VDR: variants seen among roughly 807,000 people sequenced by gnomAD.
The protein encoded by VDR is vitamin D receptor, also known as vitamin D3 receptor.
Under a neutral mutation model 39.7 loss-of-function variants are expected in VDR, and 19 were observed. The ratio of observed to expected loss-of-function variants is 0.48; its 90% CI spans 0.33 to 0.70. The LOEUF is 0.70. VDR is among the 30% of genes least tolerant of loss of function. The pLI is 0.02. For missense variants in VDR, 442 were observed against 570.5 expected (o/e 0.77, Z 2.29); for synonymous variants, 242 against 215.8 (o/e 1.12, Z -1.07).
intron 8 of VDR, 35 bp from the exon 9 acceptor site, chr12:47,846,486 G>T: frequency 6.4e-7 from 1 of 1,555,516 alleles, no homozygotes. Flanking sequence ...TGCGGGCAGA[G>T]CTGAGGAGCC....
intron 2 of VDR, among the ~76,000 whole-genome samples, chr12:47,882,486 T>A (rs1017109995): frequency 6.6e-5 from 10 of 151,844 alleles, no homozygotes; most frequent in African/African-American, 9.7e-5. Flanking sequence ...GCAAGCCCCA[T>A]CTCCTGAGCC....
chr12:47,869,951 C>T (rs1945817548), intron 3 of VDR, among the ~76,000 whole-genome samples: 1 of 152,122 alleles, frequency 6.6e-6, no homozygotes, highest in African/African-American at 2.4e-5. Context: ...GTTTGGCGCC[C>T]TTGCTTCTGC....
rs1945199464 is a variant in VDR at position 47,842,874 on chromosome 12, G to A, written c.*1872C>T. The A allele has an allele frequency of 6.6e-6, 1 of 152,140 alleles. No individual in the cohort carries two copies. Among genetic ancestry groups the A allele is most frequent in the African/African-American group, 2.4e-5 (1 of 41,422 alleles). 9.4% of individuals were successfully genotyped at this position (152,140 alleles called of 1,614,324 possible). On this transcript the variant is annotated 3_prime_UTR_variant, in exon 10 of 10. Transcript: ENST00000549336. ...GATTGACTCGTTTAGCAACTTACAAGTGTTTTCTCCCACTGAAGAGCAAGC... is the reference window on the plus strand; with the variant it reads ...GATTGACTCGTTTAGCAACTTACAAATGTTTTCTCCCACTGAAGAGCAAGC...
intron 7 of VDR, among the ~76,000 whole-genome samples, chr12:47,848,848 G>T (rs12721389): frequency 1.3e-5 from 2 of 152,192 alleles, no homozygotes; most frequent in Non-Finnish European, 2.9e-5. Flanking sequence ...ATTACGGCGT[G>T]AGCCACTGCA....
intron 7 of VDR, among the ~76,000 whole-genome samples, chr12:47,847,467 T>C (rs1945301924): frequency 1.3e-5 from 2 of 152,126 alleles, no homozygotes; most frequent in African/African-American, 4.8e-5. Context: ...CTCCCTAACT[T>C]GGCTCCAACC....
chr12:47,894,764 T>G (rs1946435851), intron 1 of VDR, among the ~76,000 whole-genome samples: 1 of 152,152 alleles, frequency 6.6e-6, no homozygotes. Flanking sequence ...GGCCACTAAC[T>G]GGGGTCACTA....
In VDR at chr12:47,857,203, G is replaced by T. The variant is rs1272082227; in HGVS notation, c.509C>A (p.Pro170His). 3.1e-6 allele frequency: 5 copies of T among 1,614,182 alleles called. No individual in the cohort carries two copies. The highest frequency in any genetic ancestry group is 4.2e-6 in the Non-Finnish European group (5 of 1,180,030). The change falls in exon 6 of 10, where the codon CCC (proline) becomes CAC (histidine). Residue 170 changes from proline to histidine, a missense_variant. Physicochemically the swap from Pro to His is moderately conservative, Grantham distance 77. This residue lies in a region of VDR where 77 missense variants were observed against 67.4 expected (regional missense o/e 1.14). Coordinates refer to ENST00000549336, the MANE Select transcript of VDR (RefSeq NM_000376.3). ...GAAGCTGGGAGTGTGTCTGGAGTTG[G>T]GCCTGGAAGGATGGCTCCCTCCACC... ...NDGGGSHPSR[P>H]NSRHTPSFSG...
intron 2 of VDR, 72 bp downstream of exon 2, chr12:47,882,622 T>TGGCCCCGGG: frequency 6.6e-6 from 4 of 603,848 alleles, no homozygotes; most frequent in East Asian, 3.2e-5. Context: ...CACCTTCTTA[T>TGGCCCCGGG]GCCCCTCCCC....
chr12:47,859,826 C>G (rs536333885), intron 4 of VDR, among the ~76,000 whole-genome samples: 1 of 151,772 alleles, frequency 6.6e-6, no homozygotes, highest in East Asian at 1.9e-4. Flanking sequence ...TCTTTCTTTT[C>G]TCTCCCTTCC....
intron 1 of VDR, among the ~76,000 whole-genome samples, chr12:47,901,951 G>A (rs1946570713): frequency 6.6e-6 from 1 of 152,214 alleles, no homozygotes; most frequent in Non-Finnish European, 1.5e-5. Context: ...CCGCCCCAGG[G>A]AAAAGACGAG....
Position 47,844,935 on chromosome 12 carries a change from C to A in VDR, c.1095G>T (p.Thr365=). ...IQDRLSNTLQ[T]YIRCRHPPPG... is the part of the protein sequence containing the mutation. ...GGGGCGGGTGGCGGCAGCGGATGTACGTCTGCAGTGTGTTGGACAGGCGGT... is the reference window on the plus strand; with the variant it reads ...GGGGCGGGTGGCGGCAGCGGATGTAAGTCTGCAGTGTGTTGGACAGGCGGT... Residue 365 remains threonine (T), a synonymous_variant, in exon 10 of 10, where the codon ACG becomes ACT. Coordinates refer to ENST00000549336, the MANE Select transcript of VDR (RefSeq NM_000376.3). 6.2e-7 allele frequency: 1 copy of A among 1,614,068 alleles called. No individual in the cohort carries two copies. Among genetic ancestry groups the A allele is most frequent in the African/African-American group, 1.3e-5 (1 of 75,014 alleles).
intron 1 of VDR, among the ~76,000 whole-genome samples, chr12:47,895,570 AGG>A (rs769619788): frequency 5.5e-4 from 83 of 152,208 alleles, no homozygotes; most frequent in Non-Finnish European, 9.4e-4. Flanking sequence ...CTACAGGAAC[AGG>A]GTTTTTCCTA....
chr12:47,883,267 T>C (rs1465752365), intron 1 of VDR, among the ~76,000 whole-genome samples: 1 of 152,082 alleles, frequency 6.6e-6, no homozygotes, highest in East Asian at 1.9e-4. Context: ...GCACAGGAGC[T>C]GGGAATGGGG....
intron 5 of VDR, 59 bp downstream of exon 5, chr12:47,857,445 C>T (rs1945513980): frequency 6.2e-7 from 1 of 1,612,786 alleles, no homozygotes; most frequent in Non-Finnish European, 8.5e-7. Flanking sequence ...CTCCCTGGGC[C>T]CTGGCTCCAC....
At chr12:47,901,072 C>G (rs879086441) in intron 1 of VDR, 1 of 155,050 alleles carries the variant, frequency 6.4e-6, no homozygotes, top group Non-Finnish European at 1.5e-5. Flanking sequence ...TCCCAGCCAG[C>G]CTTGGGGTGG....
chr12:47,892,248 CA>C (rs1305465100), intron 1 of VDR, among the ~76,000 whole-genome samples: 1 of 152,218 alleles, frequency 6.6e-6, no homozygotes, highest in Admixed American at 6.5e-5. Context: ...CTGATTTGCC[CA>C]AACGTACCGT....
rs759233881 is a variant in VDR at position 47,878,839 on chromosome 12, T to C, written c.146+129A>G. On this transcript the variant is annotated intron_variant, in intron 3 of 9. Coordinates refer to ENST00000549336, the MANE Select transcript of VDR (RefSeq NM_000376.3). ...ACCAAGACCCTCCTGCTCCTGTGGC[T>C]GTGAGCGCCGCATGTTCCATGGACA... The C allele has an allele frequency of 1.2e-5, 17 of 1,457,702 alleles. No homozygotes were observed. The Admixed American group carries it at 2.8e-4, about 24-fold the overall frequency. The allele number at this position is 1,457,702 out of a possible 1,614,324, so 90.3% of individuals were successfully genotyped here. A position where few individuals can be genotyped will look rare whatever the true frequency, so the allele number is the denominator to read the frequency against.
intron 1 of VDR, among the ~76,000 whole-genome samples, chr12:47,895,630 C>T (rs1423662019): frequency 6.6e-6 from 1 of 152,166 alleles, no homozygotes; most frequent in Non-Finnish European, 1.5e-5. Context: ...CCAGAGGATG[C>T]AGTGGAGCCT....
At chr12:47,871,515 G>A (rs1159890839) in intron 3 of VDR, among the ~76,000 whole-genome samples, 1 of 145,878 alleles carries the variant, frequency 6.9e-6, no homozygotes, top group Non-Finnish European at 1.5e-5. Flanking sequence ...CCACGCTGGA[G>A]TGCAGCAGCA....
Sources: allele counts gnomAD v4.1 joint callset (sites outside exome capture counted in the v4.1 genomes callset), GRCh38; gene constraint gnomAD v4.1.1; regional missense constraint gnomAD v4.1.1; transcripts MANE v1.5; gene names NCBI Gene and HGNC (gene_info 2026-07-23, HGNC 2026-07-21).